The following RNF20 variants were observed in gnomAD, a reference collection of about 807,000 sequenced individuals.
RNF20 encodes the protein E3 ubiquitin-protein ligase BRE1A.
A neutral mutation model predicts 126.2 loss-of-function variants in RNF20; 84 were observed. The ratio of observed to expected loss-of-function variants is 0.67; its 90% CI spans 0.56 to 0.80. The LOEUF is 0.80. Ranked by LOEUF, RNF20 falls within the 30% of genes least tolerant of loss-of-function variation. RNF20 has a pLI of 0.00. For synonymous variants in RNF20, 400 were observed against 414.3 expected, an observed-to-expected ratio of 0.97 and a Z score of 0.42; for missense variants, 869 against 1,188.2, an observed-to-expected ratio of 0.73 and a Z score of 3.95.
chr9:101,538,547 A>G (rs1377342156), intron 2 of RNF20, among the ~76,000 whole-genome samples: 1 of 152,148 alleles, frequency 6.6e-6, no homozygotes, highest in Non-Finnish European at 1.5e-5. Flanking sequence ...CTCTGGCTTC[A>G]AGGGGTGTGG....
chr9:101,537,686 G>A (rs1827204712), intron 2 of RNF20, among the ~76,000 whole-genome samples: 1 of 152,152 alleles, frequency 6.6e-6, no homozygotes, highest in Non-Finnish European at 1.5e-5. Flanking sequence ...GAGGTAAGAG[G>A]ATAGGAAGAG....
chr9:101,541,862 G>A (rs1216902005), intron 5 of RNF20, among the ~76,000 whole-genome samples: 1 of 152,156 alleles, frequency 6.6e-6, no homozygotes, highest in Non-Finnish European at 1.5e-5. Flanking sequence ...TGGGATAATT[G>A]TGTTACTCAG....
intron 16 of RNF20, among the ~76,000 whole-genome samples, chr9:101,559,076 A>G (rs1276703500): frequency 1.3e-5 from 2 of 152,114 alleles, no homozygotes; most frequent in African/African-American, 4.8e-5. Context: ...TGATTTTTGT[A>G]TAGGGTGAGA....
chr9:101,561,438 A>G (rs1827627334), intron 18 of RNF20: 2 of 519,248 alleles, frequency 3.9e-6, no homozygotes, highest in Admixed American at 3.8e-5. Flanking sequence ...CACAAAATAA[A>G]TATTTGTTAA....
At chr9:101,546,194 A>C (rs1433837093) in intron 6 of RNF20, among the ~76,000 whole-genome samples, 1 of 152,190 alleles carries the variant, frequency 6.6e-6, no homozygotes, top group Non-Finnish European at 1.5e-5. Flanking sequence ...AAAACCTAGC[A>C]CAAAGGGTAT....
chr9:101,535,296 A>T, intron 1 of RNF20, 102 bp from the exon 2 acceptor site: 1 of 745,184 alleles, frequency 1.3e-6, no homozygotes, highest in Non-Finnish European at 2.1e-6. Context: ...GATCCAGGTT[A>T]AAGGGTTGGC....
intron 9 of RNF20, among the ~76,000 whole-genome samples, chr9:101,549,238 G>A (rs914924447): frequency 2.0e-5 from 3 of 152,222 alleles, no homozygotes; most frequent in African/African-American, 7.2e-5. Context: ...GCAGGATAAG[G>A]AGAGCAAGCC....
intron 2 of RNF20, among the ~76,000 whole-genome samples, chr9:101,538,865 C>G (rs1389663756): frequency 6.6e-6 from 1 of 152,102 alleles, no homozygotes; most frequent in Non-Finnish European, 1.5e-5. Context: ...TGGTTCTTTG[C>G]TTGTTATATC....
chr9:101,560,993 G>T, intron 17 of RNF20, 67 bp downstream of exon 17: 4 of 1,597,806 alleles, frequency 2.5e-6, no homozygotes, highest in South Asian at 1.1e-5. Context: ...TGTTGAGATT[G>T]TAAGTTCGCT....
chr9:101,536,885 A>G (rs932613448), intron 2 of RNF20, among the ~76,000 whole-genome samples: 1 of 152,222 alleles, frequency 6.6e-6, no homozygotes, highest in African/African-American at 2.4e-5. Context: ...GATTATAAAC[A>G]AGAGTCCAGC....
At chr9:101,546,433 G>T (rs1827348422) in intron 6 of RNF20, among the ~76,000 whole-genome samples, 1 of 151,730 alleles carries the variant, frequency 6.6e-6, no homozygotes, top group South Asian at 2.1e-4. Context: ...GAAATTTGGG[G>T]GTAAAAATGG....
intron 18 of RNF20, 50 bp downstream of exon 18, chr9:101,561,280 G>T (rs764563861): frequency 5.7e-6 from 9 of 1,572,466 alleles, no homozygotes; most frequent in Non-Finnish European, 7.8e-6. Flanking sequence ...TTCTGAGGTC[G>T]GAAGTGACCC....
At chr9:101,541,095 A>C in intron 5 of RNF20, 120 bp downstream of exon 5, 1 of 722,038 alleles carries the variant, frequency 1.4e-6, no homozygotes. Flanking sequence ...TTTACTTTTT[A>C]AGAGATAAGG....
rs755184149 is a variant in RNF20, at chr9:101,552,543, G to C, written c.1691G>C (p.Arg564Pro). ...GATGCCAATGAAATCAAGTCTAAAC[G>C]GGATGAAGAAGAACGAGAACGAGAA... is the stretch of plus-strand genomic sequence containing the variant. ...QEDANEIKSK[R>P]DEEERERERR... Residue 564 changes from arginine to proline, a missense_variant, in exon 13 of 20, where the codon CGG (arginine) becomes CCG (proline). Transcript: ENST00000389120. The C allele has an allele frequency of 8.7e-6, 14 of 1,613,584 alleles. No individual in the cohort carries two copies. In the Admixed American group the frequency reaches 1.3e-4, roughly 15 times the overall value.
chr9:101,561,848 ATTTTTCTCAAAAATGATAGAT>A, intron 18 of RNF20, 41 bp from the exon 19 acceptor site: 1 of 1,126,226 alleles, frequency 8.9e-7, no homozygotes, highest in Non-Finnish European at 1.4e-6. Context: ...CAAGTCTATT[ATTTTTCTCAAAAATGATAGAT>A]TTGGGTAAGT....
chr9:101,554,032 T>C lies in RNF20; in HGVS notation c.1946T>C (p.Met649Thr). ...AAGGAGATGAAACTATTGCTGGATA[T>C]GTACCGTTCTGCCCCAAAGGAACAG... ...SQKEMKLLLD[M>T]YRSAPKEQRD... The change falls in exon 14 of 20, where the codon ATG (methionine) becomes ACG (threonine). Residue 649 changes from methionine (M) to threonine (T), a missense_variant. By Grantham distance (81) the Met-to-Thr change is moderately conservative. Transcript: ENST00000389120. 6.2e-7 allele frequency: 1 copy of C among 1,613,756 alleles called. No individual in the cohort carries two copies. Among genetic ancestry groups the C allele is most frequent in the Non-Finnish European group, 8.5e-7 (1 of 1,179,750 alleles).
At chr9:101,538,615 C>T (rs1204470595) in intron 2 of RNF20, among the ~76,000 whole-genome samples, 1 of 152,012 alleles carries the variant, frequency 6.6e-6, no homozygotes, top group Admixed American at 6.6e-5. Context: ...ATCCAAGTTT[C>T]AGTTAGAGCA....
rs1336812323 is a variant in RNF20, at chr9:101,546,831, G to T, written c.759G>T (p.Leu253Phe). The T allele has an allele frequency of 6.2e-7, 1 of 1,614,132 alleles. No homozygotes were observed. Among genetic ancestry groups the T allele is most frequent in the Admixed American group, 1.7e-5 (1 of 60,030 alleles). ...HRTMSQEFSK[L>F]QSKVETAESR... is the part of the protein sequence containing the mutation. Reference sequence around the variant, plus strand: ...TCTTTGGGATGTAGTTCTCCAAGTTGCAGAGTAAAGTGGAGACAGCCGAAT... The same window carrying T: ...TCTTTGGGATGTAGTTCTCCAAGTTTCAGAGTAAAGTGGAGACAGCCGAAT... Residue 253 changes from leucine to phenylalanine, a missense_variant, in exon 7 of 20, where the codon TTG (leucine) becomes TTT (phenylalanine). Around this residue, in one of 8 missense-constraint regions of RNF20, gnomAD observed 103 missense variants for 94.3 expected, o/e 1.09. Transcript: ENST00000389120.
intron 10 of RNF20, among the ~76,000 whole-genome samples, 160 bp downstream of exon 10, chr9:101,550,945 A>G (rs1358376523): frequency 6.6e-6 from 1 of 152,218 alleles, no homozygotes; most frequent in Non-Finnish European, 1.5e-5. Flanking sequence ...TAAAGATGAG[A>G]TGACAAAATT....
Sources: gnomAD v4.1 joint callset for allele counts (sites outside exome capture counted in the v4.1 genomes callset) on GRCh38, gnomAD v4.1.1 for gene constraint, gnomAD v4.1.1 regional missense constraint, MANE v1.5 for transcripts, NCBI Gene and HGNC (gene_info 2026-07-23, HGNC 2026-07-21) for gene names.